Variants in INSR observed in about 807,000 individuals in gnomAD.
INSR encodes IR.
A neutral mutation model predicts 142.6 loss-of-function variants in INSR; 67 were observed. The ratio of observed to expected loss-of-function variants is 0.47; its 90% CI spans 0.39 to 0.58. The LOEUF is 0.58. INSR is among the 20% of genes least tolerant of loss of function. The pLI, the probability that INSR is intolerant of heterozygous loss-of-function variation, is 0.00. For synonymous variants in INSR, 756 were observed against 743.1 expected (o/e 1.02, Z -0.28); for missense variants, 1,248 against 1,833.2 (o/e 0.68, Z 5.83).
rs926877336 is a variant in INSR at position 7,122,641 on chromosome 19, C to T, written c.3502G>A (p.Ala1168Thr). Residue 1168 changes from alanine (A) to threonine (T), a missense_variant, in exon 19 of 22, where the codon GCC becomes ACC. Around this residue, in one of 3 missense-constraint regions of INSR, gnomAD observed 1,069 missense variants for 1,654.0 expected, o/e 0.65. Transcript: ENST00000302850. ...CCAATTTTGACAGTAAAATCATGGGCGACCATGCAGTTTCTCGCTGCCAGG... is the reference window on the plus strand; with the variant it reads ...CCAATTTTGACAGTAAAATCATGGGTGACCATGCAGTTTCTCGCTGCCAGG... ...RDLAARNCMVAHDFTVKIGDF... is the reference protein window; with the variant it reads ...RDLAARNCMVTHDFTVKIGDF... 2 of 1,614,174 alleles carry T rather than the reference C, an allele frequency of 1.2e-6. No individual in the cohort carries two copies. The highest frequency in any genetic ancestry group is 1.7e-6 in the Non-Finnish European group (2 of 1,180,040).
At chr19:7,240,451 G>A (rs1600079700) in intron 2 of INSR, among the ~76,000 whole-genome samples, 1 of 152,118 alleles carries the variant, frequency 6.6e-6, no homozygotes, top group Admixed American at 6.6e-5. Context: ...GCGTGGTGGT[G>A]CACACCTGTA....
intron 2 of INSR, among the ~76,000 whole-genome samples, chr19:7,232,822 T>A (rs1218863582): frequency 2.6e-5 from 4 of 151,474 alleles, no homozygotes; most frequent in Admixed American, 6.6e-5. Context: ...AAAAAAAAAA[T>A]TTCAGTTGCT....
At chr19:7,230,569 GGCCAAGGCAGGTGGATCACCT>G (rs1232098007) in intron 2 of INSR, among the ~76,000 whole-genome samples, 1 of 152,160 alleles carries the variant, frequency 6.6e-6, no homozygotes, top group Non-Finnish European at 1.5e-5. Flanking sequence ...CACTTTGGGA[GGCCAAGGCAGGTGGATCACCT>G]GAGGTCAGGA....
At chr19:7,286,613 G>C (rs1600133648) in intron 1 of INSR, among the ~76,000 whole-genome samples, 1 of 151,530 alleles carries the variant, frequency 6.6e-6, no homozygotes, top group East Asian at 1.9e-4. Flanking sequence ...GTCTCAAACT[G>C]CTGGCTTCAA....
intron 7 of INSR, 96 bp downstream of exon 7, chr19:7,167,868 TAGAC>T: frequency 2.1e-6 from 3 of 1,431,052 alleles, no homozygotes; most frequent in Non-Finnish European, 2.9e-6. Flanking sequence ...AGGAGGGAGA[TAGAC>T]AGGAACCCAA....
rs11409928 is a variant in INSR at position 7,134,449 on chromosome 19, A to ATT, written c.2683-2134_2683-2133dup. Among the ~76,000 whole-genome samples, 1,029 of 148,130 alleles carry ATT rather than the reference A, an allele frequency of 6.9e-3. 5 individuals carry two copies. The highest frequency in any genetic ancestry group is 0.022 in the African/African-American group (874 of 40,404). On this transcript the variant is annotated intron_variant, in intron 13 of 21. Coordinates refer to ENST00000302850, the MANE Select transcript of INSR (RefSeq NM_000208.4). ...TTCTTTGCCACGGTGCTGCCTTTCGATTTTTTTTTTTTTAATCATTATAAA... is the reference window on the plus strand; with the variant it reads ...TTCTTTGCCACGGTGCTGCCTTTCGATTTTTTTTTTTTTTTAATCATTATAAA...
intron 2 of INSR, among the ~76,000 whole-genome samples, chr19:7,250,985 G>T (rs547617915): frequency 6.6e-6 from 1 of 151,972 alleles, no homozygotes; most frequent in South Asian, 2.1e-4. Context: ...GAAAGGGATG[G>T]AGGGAGAACC....
intron 2 of INSR, among the ~76,000 whole-genome samples, chr19:7,244,254 T>C (rs1470857205): frequency 6.6e-6 from 1 of 152,108 alleles, no homozygotes; most frequent in East Asian, 1.9e-4. Flanking sequence ...ACAAATTGGC[T>C]GGGCGCAGTG....
At chr19:7,269,966 TG>T (rs1967865401) in intron 1 of INSR, among the ~76,000 whole-genome samples, 2 of 152,140 alleles carry the variant, frequency 1.3e-5, no homozygotes, top group South Asian at 4.2e-4. Flanking sequence ...GTGGGGTTTT[TG>T]TTGTTGTTGT....
intron 1 of INSR, among the ~76,000 whole-genome samples, chr19:7,269,695 T>G (rs746891146): frequency 2.0e-4 from 30 of 151,306 alleles, no homozygotes; most frequent in Non-Finnish European, 4.0e-4. Flanking sequence ...CGCGTGCCAT[T>G]GGTGCCTCCC....
At chr19:7,120,499 T>G (rs1258532583) in intron 20 of INSR, 121 bp downstream of exon 20, 1 of 1,185,010 alleles carries the variant, frequency 8.4e-7, no homozygotes, top group Non-Finnish European at 1.2e-6. Context: ...GACAGGACGC[T>G]GCCTTCCTTT....
chr19:7,194,035 A>T (rs1291285500), intron 2 of INSR, among the ~76,000 whole-genome samples: 1 of 152,188 alleles, frequency 6.6e-6, no homozygotes. Context: ...TAGACAGTAA[A>T]CAATGTTATT....
intron 2 of INSR, among the ~76,000 whole-genome samples, chr19:7,230,248 C>T (rs1398294720): frequency 2.0e-5 from 3 of 152,102 alleles, no homozygotes; most frequent in Non-Finnish European, 2.9e-5. Flanking sequence ...GGATGGGACT[C>T]AGTAATTGAT....
intron 2 of INSR, among the ~76,000 whole-genome samples, chr19:7,248,755 T>A (rs1976611063): frequency 4.7e-4 from 1 of 2,116 alleles, no homozygotes; most frequent in Non-Finnish European, 3.2e-3. Context: ...TTGGCCAGAA[T>A]TTTTTTTTTT....
intron 2 of INSR, among the ~76,000 whole-genome samples, chr19:7,238,411 T>C (rs1976229240): frequency 6.6e-6 from 1 of 151,704 alleles, no homozygotes; most frequent in African/African-American, 2.4e-5. Flanking sequence ...CTTGAGGTCA[T>C]GAGTTCAAGA....
chr19:7,197,495 A>G (rs1469459815), intron 2 of INSR, among the ~76,000 whole-genome samples: 1 of 114,650 alleles, frequency 8.7e-6, no homozygotes, highest in Non-Finnish European at 1.9e-5. Flanking sequence ...CAGGATTGGC[A>G]GGTTCCAGAG....
intron 18 of INSR, 27 bp downstream of exon 18, chr19:7,122,852 C>A (rs369706721): frequency 8.7e-6 from 14 of 1,610,526 alleles, no homozygotes; most frequent in Admixed American, 1.7e-5. Context: ...CACCGAGTAC[C>A]CCGCTGGGTC....
At chr19:7,292,060 T>A (rs1968506106) in intron 1 of INSR, among the ~76,000 whole-genome samples, 1 of 150,410 alleles carries the variant, frequency 6.6e-6, no homozygotes. Flanking sequence ...CCCAAAGTGC[T>A]GGGATTACAA....
intron 2 of INSR, among the ~76,000 whole-genome samples, chr19:7,194,574 G>A (rs917269952): frequency 7.5e-6 from 1 of 133,522 alleles, no homozygotes; most frequent in African/African-American, 2.8e-5. Flanking sequence ...GTGCAGTGGT[G>A]CAATCTTGGC....
Sources: gnomAD v4.1 joint callset for allele counts (sites outside exome capture counted in the v4.1 genomes callset) on GRCh38, gnomAD v4.1.1 for gene constraint, gnomAD v4.1.1 regional missense constraint, MANE v1.5 for transcripts, NCBI Gene and HGNC (gene_info 2026-07-23, HGNC 2026-07-21) for gene names.